Variants in ADARB1 observed in about 807,000 individuals in gnomAD.
The protein encoded by ADARB1 is double-stranded RNA-specific editase 1.
A neutral mutation model predicts 52.4 loss-of-function variants in ADARB1; 10 were observed. The ratio of observed to expected loss-of-function variants is 0.19; its 90% CI spans 0.12 to 0.32. The LOEUF (loss-of-function observed/expected upper bound fraction) is 0.32, where lower values mean the gene tolerates loss of function less well. Among genes scored for constraint, ADARB1 ranks in the 10% least tolerant of loss-of-function variants. The probability of loss-of-function intolerance (pLI) is 1.00; values close to 1 mark genes in which losing one functional copy is unlikely to be tolerated. For missense variants in ADARB1, 643 were observed against 922.3 expected (o/e 0.70, Z 3.92); for synonymous variants, 349 against 371.1 (o/e 0.94, Z 0.68).
Position 45,225,758 on chromosome 21 carries a change from T to C in ADARB1, c.*3561T>C. ...GAAAATTGGCCATCTTTCCCACCTC[T>C]AAATTCTGTAAAATTATAGACTTGC... On this transcript the variant is annotated 3_prime_UTR_variant, in exon 11 of 11. Coordinates refer to ENST00000348831, the MANE Select transcript of ADARB1 (RefSeq NM_001112.4). 2.5e-6 allele frequency: 1 copy of C among 406,548 alleles called. No individual in the cohort carries two copies. The highest frequency in any genetic ancestry group is 4.4e-5 in the Admixed American group (1 of 22,708). The allele number at this position is 406,548 out of a possible 1,614,324, so 25.2% of individuals were successfully genotyped here. A position where few individuals can be genotyped will look rare whatever the true frequency, so the allele number is the denominator to read the frequency against.
At chr21:45,203,193 C>A (rs2092597044) in intron 8 of ADARB1, among the ~76,000 whole-genome samples, 1 of 152,154 alleles carries the variant, frequency 6.6e-6, no homozygotes, top group African/African-American at 2.4e-5. Context: ...GCTTAGGGGC[C>A]CCTGCCCTGC....
At chr21:45,149,831 G>A (rs149514428) in intron 2 of ADARB1, among the ~76,000 whole-genome samples, 30 of 152,340 alleles carry the variant, frequency 2.0e-4, no homozygotes, top group African/African-American at 7.2e-4. Flanking sequence ...GCGCACAGCG[G>A]CCTACATCCT....
Position 45,204,686 on chromosome 21 carries a change from A to G in ADARB1, c.1697A>G (p.Asn566Ser), listed in dbSNP as rs747973893. The G allele has an allele frequency of 6.2e-7, 1 of 1,614,114 alleles. No homozygotes were observed. The highest frequency in any genetic ancestry group is 8.5e-7 in the Non-Finnish European group (1 of 1,180,024). Residue 566 changes from asparagine to serine, a missense_variant, in exon 9 of 11, where the codon AAC becomes AGC. By Grantham distance (46) the Asn-to-Ser change is conservative. This residue lies in a region of ADARB1 where 263 missense variants were observed against 475.8 expected (regional missense o/e 0.55). Transcript: ENST00000348831. This position sits in a 1 kb window ranked among gnomAD's most constrained non-coding sequence, Gnocchi z 4.4. ...LSRAMYQRIS[N>S]IEDLPPLYTL... Reference sequence around the variant, plus strand: ...AGGGCCATGTACCAGCGGATCTCCAACATAGAGGACCTGCCACCTCTCTAC... The same window carrying G: ...AGGGCCATGTACCAGCGGATCTCCAGCATAGAGGACCTGCCACCTCTCTAC...
chr21:45,192,751 T>C (rs1285884934), intron 8 of ADARB1, among the ~76,000 whole-genome samples: 7 of 151,792 alleles, frequency 4.6e-5, no homozygotes, highest in Non-Finnish European at 2.9e-5. Context: ...ATGGGAGAGG[T>C]GAAATTACCA....
Position 45,220,821 on chromosome 21 carries a change from T to G in ADARB1, c.1748-15T>G. Reference sequence around the variant, plus strand: ...AAGCGGGCTTCACACCACCTTCCTGTGTCTTCCGTTTCAGGCATCAGCAAT... The same window carrying G: ...AAGCGGGCTTCACACCACCTTCCTGGGTCTTCCGTTTCAGGCATCAGCAAT... On this transcript the variant is annotated splice_polypyrimidine_tract_variant and intron_variant, in intron 9 of 10. Transcript: ENST00000348831. This position sits in a 1 kb window ranked among gnomAD's most constrained non-coding sequence, Gnocchi z 6.3. The G allele has an allele frequency of 6.2e-7, 1 of 1,611,018 alleles. No individual in the cohort carries two copies. Among genetic ancestry groups the G allele is most frequent in the Non-Finnish European group, 8.5e-7 (1 of 1,178,194 alleles).
At chr21:45,187,437 A>G (rs529028771) in intron 8 of ADARB1, among the ~76,000 whole-genome samples, 2 of 152,300 alleles carry the variant, frequency 1.3e-5, no homozygotes, top group Middle Eastern at 6.8e-3. Flanking sequence ...CTACATATAA[A>G]ATTATGTCAT....
intron 8 of ADARB1, among the ~76,000 whole-genome samples, chr21:45,191,169 C>T (rs1364006858): frequency 1.3e-5 from 2 of 152,296 alleles, no homozygotes; most frequent in East Asian, 3.9e-4. Flanking sequence ...TAATGTTAAC[C>T]TTATGGCCAG....
At chr21:45,134,804 C>T (rs557638645) in intron 2 of ADARB1, 4 of 533,892 alleles carry the variant, frequency 7.5e-6, no homozygotes, top group South Asian at 5.6e-5. Flanking sequence ...TGATGAAGAT[C>T]CCGAGGATGA....
intron 2 of ADARB1, among the ~76,000 whole-genome samples, chr21:45,164,677 C>T (rs1248488522): frequency 2.0e-5 from 3 of 151,988 alleles, no homozygotes; most frequent in South Asian, 2.1e-4. Context: ...GTGGGCATAG[C>T]GAAGGGCTGA....
rs569546926 is a variant in ADARB1, at chr21:45,225,632, G to A, written c.*3435G>A. 16 of 1,213,030 alleles carry A rather than the reference G, an allele frequency of 1.3e-5. No homozygotes were observed. Among genetic ancestry groups the A allele is most frequent in the East Asian group, 1.1e-4 (4 of 35,192 alleles). The allele number at this position is 1,213,030 out of a possible 1,614,324, so 75.1% of individuals were successfully genotyped here. A position where few individuals can be genotyped will look rare whatever the true frequency, so the allele number is the denominator to read the frequency against. Reference sequence around the variant, plus strand: ...GCGAAGCTGTGGAGACTGCACATCCGGACCTGCCCATGTCTCAAAACAAAC... The same window carrying A: ...GCGAAGCTGTGGAGACTGCACATCCAGACCTGCCCATGTCTCAAAACAAAC... On this transcript the variant is annotated 3_prime_UTR_variant, in exon 11 of 11. Transcript: ENST00000348831.
chr21:45,114,887 A>G (rs1460849041), intron 1 of ADARB1, among the ~76,000 whole-genome samples: 29 of 152,238 alleles, frequency 1.9e-4, no homozygotes, highest in Admixed American at 1.9e-3. Context: ...GCATTGCTGG[A>G]TCTTCAAGCA....
chr21:45,224,162 G>T lies in ADARB1; in HGVS notation c.*1965G>T, dbSNP rs1278975382. 3.0e-6 allele frequency: 3 copies of T among 985,286 alleles called. No homozygotes were observed. The highest frequency in any genetic ancestry group is 3.6e-6 in the Non-Finnish European group (3 of 829,954). 61.0% of individuals were successfully genotyped at this position (985,286 alleles called of 1,614,324 possible). A position where few individuals can be genotyped will look rare whatever the true frequency, so the allele number is the denominator to read the frequency against. ...GATAAATTGTATTTTTTTCTAATGG[G>T]GATTGGGAGATGGACTTCGTTTTTA... is the stretch of plus-strand genomic sequence containing the variant. On this transcript the variant is annotated 3_prime_UTR_variant, in exon 11 of 11. Coordinates refer to ENST00000348831, the MANE Select transcript of ADARB1 (RefSeq NM_001112.4).
chr21:45,095,099 C>T (rs375359313), intron 1 of ADARB1, among the ~76,000 whole-genome samples: 1 of 152,250 alleles, frequency 6.6e-6, no homozygotes, highest in East Asian at 1.9e-4. Context: ...GCCTGTATTT[C>T]GTCCTGGTCT....
rs993417625 is a variant in ADARB1, at chr21:45,176,883, C to A, written c.963+219C>A. 1.3e-5 allele frequency among the ~76,000 whole-genome samples: 2 copies of A among 152,144 alleles called. No homozygotes were observed. The highest frequency in any genetic ancestry group is 6.5e-5 in the Admixed American group (1 of 15,280). On this transcript the variant is annotated intron_variant, in intron 4 of 10. Transcript: ENST00000348831. This position sits in a 1 kb window ranked among gnomAD's most constrained non-coding sequence, Gnocchi z 5.8. ...AGTGCATGCTGGGTCTGTCGCAATG[C>A]AAGGCAGGGACACCTGAGACCCCGT...
In ADARB1 at chr21:45,225,506, T is replaced by G. The variant is rs1166654069; in HGVS notation, c.*3309T>G. ...ATCTCCAGGCTGTGGAATCGCCACT[T>G]TCTTTGTGAAGACAGTGTCTCTCCT... On this transcript the variant is annotated 3_prime_UTR_variant, in exon 11 of 11. Coordinates refer to ENST00000348831, the MANE Select transcript of ADARB1 (RefSeq NM_001112.4). 1 of 1,318,302 alleles carries G rather than the reference T, an allele frequency of 7.6e-7. No homozygotes were observed. 81.7% of individuals were successfully genotyped at this position (1,318,302 alleles called of 1,614,324 possible).
intron 1 of ADARB1, among the ~76,000 whole-genome samples, chr21:45,104,000 T>C (rs1199753120): frequency 6.6e-6 from 1 of 152,158 alleles, no homozygotes; most frequent in African/African-American, 2.4e-5. Context: ...CAGGGCACAC[T>C]TATCGAACCA....
chr21:45,078,351 T>C (rs746690081), intron 1 of ADARB1, among the ~76,000 whole-genome samples: 9 of 152,232 alleles, frequency 5.9e-5, no homozygotes, highest in Non-Finnish European at 1.3e-4. Flanking sequence ...GGTACTGTTC[T>C]AGGTATTGGA....
At chr21:45,164,867 G>A (rs415597) in intron 2 of ADARB1, among the ~76,000 whole-genome samples, 35,342 of 152,080 alleles carry the variant, frequency 0.23, 4,961 homozygotes, top group South Asian at 0.38. Flanking sequence ...TTTGGGAGAA[G>A]AGCTGGTGAC....
At chr21:45,117,467 T>G (rs544970032) in intron 1 of ADARB1, among the ~76,000 whole-genome samples, 1 of 152,292 alleles carries the variant, frequency 6.6e-6, no homozygotes, top group Admixed American at 6.5e-5. Context: ...GGGTTTTCTG[T>G]GCACATCTCT....
Sources: allele counts gnomAD v4.1 joint callset (sites outside exome capture counted in the v4.1 genomes callset), GRCh38; gene constraint gnomAD v4.1.1; regional missense constraint gnomAD v4.1.1; non-coding constraint Gnocchi (gnomAD v3.1); transcripts MANE v1.5; gene names NCBI Gene and HGNC (gene_info 2026-07-23, HGNC 2026-07-21).